Variants in HNRNPA3 observed in about 807,000 individuals in gnomAD.
HNRNPA3 encodes heterogeneous nuclear ribonucleoprotein A3.
HNRNPA3 carries 3 observed loss-of-function variants against 45.8 expected under a neutral mutation model. The observed-to-expected ratio is 0.07, with a 90% CI of 0.03 to 0.17. The LOEUF is 0.17. Ranked by LOEUF, HNRNPA3 falls within the 10% of genes least tolerant of loss-of-function variation. The probability of loss-of-function intolerance (pLI) is 1.00; values close to 1 mark genes in which losing one functional copy is unlikely to be tolerated. For missense variants in HNRNPA3, 183 were observed against 480.3 expected, an observed-to-expected ratio of 0.38 and a Z score of 5.79; for synonymous variants, 170 against 155.6, an observed-to-expected ratio of 1.09 and a Z score of -0.69.
rs189317226 is a variant in HNRNPA3 at position 177,216,004 on chromosome 2, A to G, written c.369A>G (p.Leu123=). ...ATTCTGTAAAGCCTGGTGCCCATCT[A>G]ACAGTGAAGAAAATTTTTGTTGGTG... Residue 123 remains leucine, a synonymous_variant, in exon 4 of 11, where the codon CTA becomes CTG. Coordinates refer to ENST00000392524, the Ensembl canonical transcript of HNRNPA3. The G allele has an allele frequency of 9.4e-6, 15 of 1,601,062 alleles. 1 individual carries two copies. The East Asian group carries it at 3.1e-4, about 33-fold the overall frequency.
At chr2:177,213,550 G>A (rs1331529675) in intron 1 of HNRNPA3, among the ~76,000 whole-genome samples, 1 of 152,100 alleles carries the variant, frequency 6.6e-6, no homozygotes, top group African/African-American at 2.4e-5. Context: ...TAAAAACTTT[G>A]CTGCTTTAAA....
chr2:177,215,722 C>A, intron 2 of HNRNPA3, 28 bp from the exon 3 acceptor site: 1 of 1,573,656 alleles, frequency 6.4e-7, no homozygotes, highest in Non-Finnish European at 8.6e-7. Flanking sequence ...GAGGTGTTTT[C>A]AACGTTATAA....
At chr2:177,223,715 C>T (rs531560250), downstream of HNRNPA3, 20 of 152,232 alleles carry the variant, frequency 1.3e-4, no homozygotes, top group East Asian at 3.7e-3. Context: ...TCTAAATATT[C>T]AAAATTACTT....
At position 177,218,452 on chromosome 2, in the gene HNRNPA3, T is replaced by A. The variant is rs533127335; in HGVS notation, c.962-585T>A. On this transcript the variant is annotated intron_variant, in intron 8 of 10. Transcript: ENST00000392524. Reference sequence around the variant, plus strand: ...ACGTGTAAAAGATTGGGAGTTTATTTATTGCCAAAATTTTACTTAACTCCT... The same window carrying A: ...ACGTGTAAAAGATTGGGAGTTTATTAATTGCCAAAATTTTACTTAACTCCT... Among the ~76,000 whole-genome samples the A allele has an allele frequency of 6.6e-5, 10 of 152,170 alleles. No individual in the cohort carries two copies. The East Asian group carries it at 1.7e-3, about 26-fold the overall frequency.
At chr2:177,223,708 A>G (rs2105444392), downstream of HNRNPA3, 1 of 152,358 alleles carries the variant, frequency 6.6e-6, no homozygotes, top group South Asian at 2.1e-4. Flanking sequence ...TAGCCTATCT[A>G]AATATTCAAA....
exon 9 of HNRNPA3, chr2:177,219,086 A>G: frequency 6.2e-7 from 1 of 1,614,150 alleles, no homozygotes; most frequent in South Asian, 1.1e-5. Flanking sequence ...ATTATAGTGG[A>G]CAACAGCAAT....
At chr2:177,214,825 A>G (rs1293881818) in intron 1 of HNRNPA3, among the ~76,000 whole-genome samples, 1 of 152,164 alleles carries the variant, frequency 6.6e-6, no homozygotes, top group East Asian at 1.9e-4. Context: ...AATTAAATGC[A>G]TGTTGGGTTG....
intron 8 of HNRNPA3, among the ~76,000 whole-genome samples, chr2:177,218,242 T>G (rs537297991): frequency 3.9e-5 from 6 of 152,138 alleles, no homozygotes; most frequent in African/African-American, 1.4e-4. Context: ...TTTTGCATTT[T>G]TAGTAGAGAT....
intron 3 of HNRNPA3, 41 bp downstream of exon 3, chr2:177,215,937 G>C: frequency 6.3e-7 from 1 of 1,596,444 alleles, no homozygotes; most frequent in Non-Finnish European, 8.5e-7. Context: ...AAATTGTTGT[G>C]AAAGTTTGTT....
exon 11 of HNRNPA3, chr2:177,219,978 C>G (rs1163494181): frequency 6.6e-6 from 1 of 152,552 alleles, no homozygotes; most frequent in Non-Finnish European, 1.5e-5. Flanking sequence ...ATTTCCAAAC[C>G]ATGATATGAA....
chr2:177,218,365 T>C (rs1384512625), intron 8 of HNRNPA3, among the ~76,000 whole-genome samples: 1 of 152,186 alleles, frequency 6.6e-6, no homozygotes, highest in African/African-American at 2.4e-5. Context: ...CTCAGCCAAA[T>C]GTACTGAATT....
chr2:177,216,481 G>T lies in HNRNPA3; in HGVS notation c.554-22G>T, dbSNP rs892453350. The T allele has an allele frequency of 4.5e-6, 7 of 1,572,306 alleles. No homozygotes were observed. In the African/African-American group the frequency reaches 8.1e-5, roughly 18 times the overall value. ...CAAACATAAAATAACTTTTTGTTTT[G>T]TTTGATTGAAAAAAAATTTAGTTCA... On this transcript the variant is annotated intron_variant, in intron 4 of 10. Transcript: ENST00000392524.
intron 1 of HNRNPA3, among the ~76,000 whole-genome samples, chr2:177,214,850 T>C (rs554985514): frequency 3.3e-5 from 5 of 151,906 alleles, no homozygotes; most frequent in Admixed American, 1.3e-4. Context: ...CTGAGAAGAG[T>C]TGAAATGGGA....
chr2:177,217,859 TG>T lies in HNRNPA3; in HGVS notation c.961+15del. On this transcript the variant is annotated intron_variant, in intron 8 of 10. Coordinates refer to ENST00000392524, the Ensembl canonical transcript of HNRNPA3. ...ATTTTGGCGGTGGTAAGCATTCACT[TG>T]TTTTATTTAAATGTTAAATATTCAG... 2 of 1,549,036 alleles carry T rather than the reference TG, an allele frequency of 1.3e-6. No individual in the cohort carries two copies. The highest frequency in any genetic ancestry group is 2.5e-5 in the South Asian group (2 of 80,620).
At chr2:177,220,229 A>G (rs1689130709), downstream of HNRNPA3, 1 of 152,636 alleles carries the variant, frequency 6.6e-6, no homozygotes, top group Non-Finnish European at 1.5e-5. Context: ...TCTCTATTCT[A>G]CATTTACCTT....
At chr2:177,219,337 T>G (rs758252020) in intron 10 of HNRNPA3, 23 bp downstream of exon 10, 3 of 1,529,514 alleles carry the variant, frequency 2.0e-6, no homozygotes, top group South Asian at 1.1e-5. Flanking sequence ...AAATTTTTAT[T>G]ATGATGATAA....
chr2:177,218,946 C>T (rs1689076587), intron 8 of HNRNPA3, 91 bp from the exon 9 acceptor site: 1 of 1,489,502 alleles, frequency 6.7e-7, no homozygotes, highest in Non-Finnish European at 9.2e-7. Flanking sequence ...AGCATGCTAC[C>T]ATAATTCTCA....
At chr2:177,219,210 G>A (rs1250379502) in intron 9 of HNRNPA3, 37 bp from the exon 10 acceptor site, 23 of 1,611,074 alleles carry the variant, frequency 1.4e-5, no homozygotes, top group Non-Finnish European at 1.9e-5. Context: ...TTTAAAAAAT[G>A]TGCATACTTC....
At chr2:177,218,559 C>T (rs1047134838) in intron 8 of HNRNPA3, among the ~76,000 whole-genome samples, 17 of 152,044 alleles carry the variant, frequency 1.1e-4, no homozygotes, top group African/African-American at 3.6e-4. Flanking sequence ...CCATCTAGGG[C>T]CCAGGTTAAC....
Sources: gnomAD v4.1 joint callset for allele counts (sites outside exome capture counted in the v4.1 genomes callset) on GRCh38, gnomAD v4.1.1 for gene constraint, MANE v1.5 for transcripts, NCBI Gene and HGNC (gene_info 2026-07-23, HGNC 2026-07-21) for gene names.